ACTL6A: variants seen among roughly 807,000 people sequenced by gnomAD.
The protein encoded by ACTL6A is actin-like protein 6A.
ACTL6A carries 5 observed loss-of-function variants against 59.2 expected under a neutral mutation model. That is an observed-to-expected ratio of 0.08 (90% CI 0.04 to 0.18). The LOEUF (loss-of-function observed/expected upper bound fraction) is 0.18. Among genes scored for constraint, ACTL6A ranks in the 10% least tolerant of loss-of-function variants. The probability of loss-of-function intolerance (pLI) is 1.00; values close to 1 mark genes in which losing one functional copy is unlikely to be tolerated. For synonymous variants in ACTL6A, 154 were observed against 171.8 expected (o/e 0.90, Z 0.81); for missense variants, 285 against 526.9 (o/e 0.54, Z 4.49).
chr3:179,581,458 G>A (rs1042941075), intron 11 of ACTL6A, among the ~76,000 whole-genome samples: 2 of 151,988 alleles, frequency 1.3e-5, no homozygotes, highest in Non-Finnish European at 1.5e-5. Flanking sequence ...ATTTAAAATA[G>A]ATAAAAACAT....
intron 1 of ACTL6A, among the ~76,000 whole-genome samples, chr3:179,563,605 G>A (rs1306279943): frequency 6.6e-6 from 1 of 152,206 alleles, no homozygotes; most frequent in Non-Finnish European, 1.5e-5. Context: ...CGAGCCTCAA[G>A]CCGTAGAACT....
intron 8 of ACTL6A, among the ~76,000 whole-genome samples, chr3:179,579,841 G>A (rs1288866710): frequency 6.6e-6 from 1 of 152,180 alleles, no homozygotes; most frequent in Non-Finnish European, 1.5e-5. Context: ...GGAGTGCAGT[G>A]GTGCAGTTGT....
At chr3:179,572,774 C>T (rs927168791) in intron 3 of ACTL6A, among the ~76,000 whole-genome samples, 1 of 151,834 alleles carries the variant, frequency 6.6e-6, no homozygotes, top group Non-Finnish European at 1.5e-5. Context: ...CATTGCACTC[C>T]AGTGTGGGGG....
chr3:179,566,179 A>C (rs1449869229), intron 1 of ACTL6A, among the ~76,000 whole-genome samples: 1 of 152,174 alleles, frequency 6.6e-6, no homozygotes, highest in Non-Finnish European at 1.5e-5. Context: ...CATCAGATGC[A>C]ATTATGTTGA....
intron 1 of ACTL6A, among the ~76,000 whole-genome samples, chr3:179,564,695 A>G (rs769653821): frequency 6.6e-6 from 1 of 152,198 alleles, no homozygotes; most frequent in Non-Finnish European, 1.5e-5. Context: ...CAGGAAAATG[A>G]GCTGATATGT....
rs1718002360 is a variant in ACTL6A, at chr3:179,571,414, C to CGA, written c.277+1173_277+1174insGA. Reference sequence around the variant, plus strand: ...CCAACCTGGGTGACAGAGTGAGACTCTGTCTCAAAAAAAAAAACAAAAAAA... The same window carrying CGA: ...CCAACCTGGGTGACAGAGTGAGACTCGATGTCTCAAAAAAAAAAACAAAAAAA... On this transcript the variant is annotated intron_variant, in intron 3 of 13. Coordinates refer to ENST00000429709, the MANE Select transcript of ACTL6A (RefSeq NM_004301.5). Among the ~76,000 whole-genome samples, 3 of 144,176 alleles carry CGA rather than the reference C, an allele frequency of 2.1e-5. No homozygotes were observed. In the Admixed American group the frequency reaches 2.1e-4, roughly 10 times the overall value. The allele number at this position is 144,176 out of a possible 152,430, so 94.6% of individuals were successfully genotyped here.
rs149121855 is a variant in ACTL6A, at chr3:179,581,331, T to G, written c.1026+111T>G. On this transcript the variant is annotated intron_variant, in intron 11 of 13. Transcript: ENST00000429709. ...TAATGGTTGTCAGTGTCATTGACTT[T>G]GAGGTTCATTTTATAACAGTATATG... The G allele has an allele frequency of 1.5e-4, 131 of 892,996 alleles. No individual in the cohort carries two copies. In the East Asian group the frequency reaches 2.8e-3, roughly 19 times the overall value. 55.3% of individuals were successfully genotyped at this position (892,996 alleles called of 1,614,324 possible).
At position 179,583,340 on chromosome 3, in the gene ACTL6A, A is replaced by G. The variant is rs758381737; in HGVS notation, c.1027-13A>G. The G allele has an allele frequency of 2.5e-6, 4 of 1,593,270 alleles. No individual in the cohort carries two copies. In the South Asian group the frequency reaches 3.4e-5, roughly 13 times the overall value. The stretch of plus-strand genomic sequence containing the variant: ...TATGGAACTAATTGATTTTTCTTGT[A>G]TTTTTATCCTAGGGTCTCTATGGCA... On this transcript the variant is annotated splice_polypyrimidine_tract_variant and intron_variant, in intron 11 of 13. Transcript: ENST00000429709.
intron 5 of ACTL6A, 142 bp from the exon 6 acceptor site, chr3:179,576,075 C>G (rs772026374): frequency 3.3e-6 from 2 of 599,206 alleles, no homozygotes; most frequent in Non-Finnish European, 5.7e-6. Flanking sequence ...CAATTTTTAT[C>G]CCTAGATTCA....
At chr3:179,585,773 C>T (rs1244196139) in intron 12 of ACTL6A, among the ~76,000 whole-genome samples, 1 of 151,248 alleles carries the variant, frequency 6.6e-6, no homozygotes, top group Non-Finnish European at 1.5e-5. Flanking sequence ...AGAAAAAAAC[C>T]TCTTCATATA....
chr3:179,576,688 A>G lies in ACTL6A; in HGVS notation c.640A>G (p.Asn214Asp), dbSNP rs1166261252. ...GTGCAGAGAACTCTTCCAAGAAATG[A>G]ATATTGAATTGGTTCCTCCATATAT... ...MQCRELFQEMNIELVPPYMIA... is the reference protein window; with the variant it reads ...MQCRELFQEMDIELVPPYMIA... The change falls in exon 7 of 14, where the codon AAT (asparagine) becomes GAT (aspartate). Residue 214 changes from asparagine (N) to aspartate (D), a missense_variant. Physicochemically the swap from Asn to Asp is conservative, Grantham distance 23. Transcript: ENST00000429709. 1.2e-6 allele frequency: 2 copies of G among 1,613,770 alleles called. No homozygotes were observed. Among genetic ancestry groups the G allele is most frequent in the Non-Finnish European group, 1.7e-6 (2 of 1,179,790 alleles).
At chr3:179,568,655 A>C (rs1417160989) in intron 1 of ACTL6A, among the ~76,000 whole-genome samples, 1 of 152,176 alleles carries the variant, frequency 6.6e-6, no homozygotes, top group Non-Finnish European at 1.5e-5. Flanking sequence ...ACATATGTAG[A>C]TCTAAAGTGT....
chr3:179,583,362 G>A lies in ACTL6A; in HGVS notation c.1036G>A (p.Gly346Ser), dbSNP rs779920530. The change falls in exon 12 of 14, where the codon GGC becomes AGC. Residue 346 changes from glycine to serine, a missense_variant. By Grantham distance (56) the Gly-to-Ser change is moderately conservative. Coordinates refer to ENST00000429709, the MANE Select transcript of ACTL6A (RefSeq NM_004301.5). Reference protein sequence around the residue: ...CDIDIRPGLYGSVIVAGGNTL... With the variant: ...CDIDIRPGLYSSVIVAGGNTL... The stretch of plus-strand genomic sequence containing the variant: ...TGTATTTTTATCCTAGGGTCTCTAT[G>A]GCAGTGTAATAGTGGCAGGAGGAAA... The A allele has an allele frequency of 6.8e-6, 11 of 1,611,476 alleles. No homozygotes were observed. Among genetic ancestry groups the A allele is most frequent in the Non-Finnish European group, 7.6e-6 (9 of 1,178,228 alleles).
intron 8 of ACTL6A, among the ~76,000 whole-genome samples, chr3:179,579,923 T>C (rs78295396): frequency 0.091 from 13,807 of 152,222 alleles, 676 homozygotes; most frequent in South Asian, 0.17. Flanking sequence ...TACAGGTGCA[T>C]GCCACCATGC....
At chr3:179,564,031 A>G (rs868338219) in intron 1 of ACTL6A, among the ~76,000 whole-genome samples, 2 of 152,190 alleles carry the variant, frequency 1.3e-5, no homozygotes, top group East Asian at 1.9e-4. Context: ...ATAATGCTGC[A>G]TTTGCCACTT....
In ACTL6A at chr3:179,570,572, T is replaced by C. The variant is rs1376160216; in HGVS notation, c.277+331T>C. Among the ~76,000 whole-genome samples the C allele has an allele frequency of 6.6e-6, 1 of 152,198 alleles. No homozygotes were observed. Among genetic ancestry groups the C allele is most frequent in the African/African-American group, 2.4e-5 (1 of 41,434 alleles). Reference sequence around the variant, plus strand: ...TCTAGTGTTGGGAGTCAGTGATGGTTTTCACAAAGGAGGTAACATGATGAA... The same window carrying C: ...TCTAGTGTTGGGAGTCAGTGATGGTCTTCACAAAGGAGGTAACATGATGAA... On this transcript the variant is annotated intron_variant, in intron 3 of 13. Transcript: ENST00000429709. The surrounding 1 kb of genome is among the most constrained non-coding windows in gnomAD (Gnocchi z 4.3).
chr3:179,563,456 C>T lies in ACTL6A; in HGVS notation c.25+339C>T, dbSNP rs1358206878. ...GCCGCCGGGCCCCGGCTTGGGTGAC[C>T]GCCCCAGGGTCGCATCTCCCCGAGT... is the stretch of plus-strand genomic sequence containing the variant. On this transcript the variant is annotated intron_variant, in intron 1 of 13. Transcript: ENST00000429709. Among the ~76,000 whole-genome samples, 3 of 152,326 alleles carry T rather than the reference C, an allele frequency of 2.0e-5. No homozygotes were observed. In the East Asian group the frequency reaches 5.8e-4, roughly 29 times the overall value.
rs140448573 is a variant in ACTL6A, at chr3:179,568,067, G to T, written c.26-1757G>T. 5.7e-3 allele frequency among the ~76,000 whole-genome samples: 870 copies of T among 151,532 alleles called. 7 individuals carry two copies. The highest frequency in any genetic ancestry group is 0.02 in the African/African-American group (814 of 41,260). On this transcript the variant is annotated intron_variant, in intron 1 of 13. Coordinates refer to ENST00000429709, the MANE Select transcript of ACTL6A (RefSeq NM_004301.5). ...CGCGTCTGTAGTCCCAGCTGCTCAG[G>T]AGGCTGAGGCAGGAAAATCTGTTGA...
At chr3:179,575,460 G>A in intron 5 of ACTL6A, 2 of 456,600 alleles carry the variant, frequency 4.4e-6, no homozygotes, top group Non-Finnish European at 8.8e-6. Context: ...GGCAGTTTTG[G>A]TGCACCATTG....
Sources: allele counts gnomAD v4.1 joint callset (sites outside exome capture counted in the v4.1 genomes callset), GRCh38; gene constraint gnomAD v4.1.1; non-coding constraint Gnocchi (gnomAD v3.1); transcripts MANE v1.5; gene names NCBI Gene and HGNC (gene_info 2026-07-23, HGNC 2026-07-21).